Variants in DPY19L2 observed in about 807,000 individuals in gnomAD.
DPY19L2 encodes dpy-19 like 2.
A neutral mutation model predicts 97.9 loss-of-function variants in DPY19L2; 34 were observed. The ratio of observed to expected loss-of-function variants is 0.35; its 90% CI spans 0.26 to 0.46. DPY19L2 has a LOEUF of 0.46. Among genes scored for constraint, DPY19L2 ranks in the 20% least tolerant of loss-of-function variants. The pLI is 1.00. For missense variants in DPY19L2, 623 were observed against 911.4 expected (o/e 0.68, Z 4.07); for synonymous variants, 230 against 307.9 (o/e 0.75, Z 2.65).
chr12:63,644,348 T>C, intron 6 of DPY19L2, 55 bp downstream of exon 6: 5 of 1,556,862 alleles, frequency 3.2e-6, no homozygotes, highest in East Asian at 2.3e-5. Flanking sequence ...TCAACAAATA[T>C]CAGCCAGTCT....
At chr12:63,585,940 A>T (rs924263427) in intron 16 of DPY19L2, among the ~76,000 whole-genome samples, 4 of 152,204 alleles carry the variant, frequency 2.6e-5, no homozygotes, top group Non-Finnish European at 5.9e-5. Context: ...CTCAAAAGAA[A>T]GTTGAAGAGC....
Position 63,589,959 on chromosome 12 carries a change from C to A in DPY19L2, c.1580+4128G>T, listed in dbSNP as rs1355982823. ...GCCTGGCCAACATGGCAAACCCTGT[C>A]TCTACTAAAAATATAAAAATTAGCT... On this transcript the variant is annotated intron_variant, in intron 16 of 21. Transcript: ENST00000324472. Among the ~76,000 whole-genome samples, 3 of 152,222 alleles carry A rather than the reference C, an allele frequency of 2.0e-5. No homozygotes were observed. In the East Asian group the frequency reaches 5.8e-4, roughly 29 times the overall value.
intron 11 of DPY19L2, among the ~76,000 whole-genome samples, chr12:63,609,664 G>C (rs970819530): frequency 2.0e-5 from 3 of 152,122 alleles, no homozygotes; most frequent in Admixed American, 2.0e-4. Context: ...CATCCTGTCT[G>C]TGGTACTTTT....
intron 6 of DPY19L2, among the ~76,000 whole-genome samples, chr12:63,630,970 G>A (rs1300031720): frequency 2.0e-5 from 3 of 151,944 alleles, no homozygotes; most frequent in African/African-American, 7.3e-5. Flanking sequence ...AATGACTACC[G>A]GGTACATAAC....
intron 11 of DPY19L2, among the ~76,000 whole-genome samples, chr12:63,612,000 G>T (rs1887083666): frequency 6.6e-6 from 1 of 151,998 alleles, no homozygotes; most frequent in South Asian, 2.1e-4. Flanking sequence ...AAAATCAGTG[G>T]TAAAGAGAAA....
chr12:63,639,794 A>G (rs992336224), intron 6 of DPY19L2, among the ~76,000 whole-genome samples: 5 of 152,176 alleles, frequency 3.3e-5, no homozygotes, highest in African/African-American at 9.7e-5. Context: ...ACAGTGTGGC[A>G]ATTCCTCAAA....
intron 6 of DPY19L2, among the ~76,000 whole-genome samples, chr12:63,631,504 A>G (rs2137941919): frequency 6.6e-6 from 1 of 152,312 alleles, no homozygotes; most frequent in East Asian, 1.9e-4. Context: ...CCCTCCCAAG[A>G]CTAAACCAGG....
intron 19 of DPY19L2, among the ~76,000 whole-genome samples, chr12:63,577,870 G>A (rs1425128270): frequency 6.6e-6 from 1 of 152,144 alleles, no homozygotes; most frequent in South Asian, 2.1e-4. Flanking sequence ...CAACCACTAT[G>A]TAGAAGAGTT....
intron 7 of DPY19L2, among the ~76,000 whole-genome samples, chr12:63,625,310 T>C (rs1039459710): frequency 5.9e-5 from 9 of 151,842 alleles, no homozygotes; most frequent in African/African-American, 2.2e-4. Context: ...GGCAGGAGAA[T>C]TGCTTGAACC....
At chr12:63,588,971 C>T (rs182106658) in intron 16 of DPY19L2, among the ~76,000 whole-genome samples, 2,079 of 151,582 alleles carry the variant, frequency 0.014, 54 homozygotes, top group African/African-American at 0.045. Flanking sequence ...GCCAGGATGG[C>T]CTCAATCTCC....
chr12:63,665,276 A>C (rs1896194022), intron 2 of DPY19L2, among the ~76,000 whole-genome samples: 2 of 152,096 alleles, frequency 1.3e-5, no homozygotes, highest in Non-Finnish European at 1.5e-5. Flanking sequence ...GCTTGACACC[A>C]GTCTGGCCAA....
chr12:63,617,209 G>C, intron 11 of DPY19L2, 95 bp downstream of exon 11: 1 of 675,794 alleles, frequency 1.5e-6, no homozygotes, highest in Non-Finnish European at 2.5e-6. Context: ...TGATAATCAG[G>C]AAAGGGCCTA....
At chr12:63,567,444 G>A (rs531670744) in intron 21 of DPY19L2, among the ~76,000 whole-genome samples, 7 of 151,876 alleles carry the variant, frequency 4.6e-5, no homozygotes, top group South Asian at 2.1e-4. Flanking sequence ...CTAGTAAATC[G>A]TACATTTCCA....
chr12:63,592,107 G>C (rs1166694467), intron 16 of DPY19L2, among the ~76,000 whole-genome samples: 34 of 131,260 alleles, frequency 2.6e-4, no homozygotes, highest in Non-Finnish European at 1.3e-4. Context: ...GAAAAGAAAA[G>C]AGAAGAGAAG....
Position 63,624,085 on chromosome 12 carries a change from T to A in DPY19L2, c.908A>T (p.Tyr303Phe). The A allele has an allele frequency of 6.2e-7, 1 of 1,611,808 alleles. No homozygotes were observed. Among genetic ancestry groups the A allele is most frequent in the Non-Finnish European group, 8.5e-7 (1 of 1,179,676 alleles). The change falls in exon 8 of 22, where the codon TAT becomes TTT. Residue 303 changes from tyrosine to phenylalanine, a missense_variant. By Grantham distance (22) the Tyr-to-Phe change is conservative. This residue lies in a region of DPY19L2 where 67 missense variants were observed against 88.0 expected (regional missense o/e 0.76). Transcript: ENST00000324472. Reference sequence around the variant, plus strand: ...ACACATCTGAAGTACAAGGAAAGGATAGGAAAAACTTTCACGGAGAGGTGG... The same window carrying A: ...ACACATCTGAAGTACAAGGAAAGGAAAGGAAAAACTTTCACGGAGAGGTGG... ...WTPPLRESFS[Y>F]PFLVLQMCIL...
At chr12:63,667,908 AAG>A (rs1288188821) in intron 1 of DPY19L2, 147 bp downstream of exon 1, 3 of 904,886 alleles carry the variant, frequency 3.3e-6, no homozygotes, top group Middle Eastern at 3.5e-4. Flanking sequence ...GTTCAATGAC[AAG>A]ATCTTTGGCC....
intron 17 of DPY19L2, 147 bp from the exon 18 acceptor site, chr12:63,582,672 G>A (rs1049534423): frequency 1.4e-4 from 132 of 934,294 alleles, no homozygotes; most frequent in Middle Eastern, 3.5e-4. Context: ...ATAATTTATC[G>A]AATGTCTACT....
At chr12:63,565,904 C>G (rs1172960836) in intron 21 of DPY19L2, among the ~76,000 whole-genome samples, 1 of 152,122 alleles carries the variant, frequency 6.6e-6, no homozygotes, top group Non-Finnish European at 1.5e-5. Context: ...GTATCTTTCT[C>G]CTGTACTGAA....
At chr12:63,612,092 A>T (rs1887104190) in intron 11 of DPY19L2, among the ~76,000 whole-genome samples, 1 of 152,080 alleles carries the variant, frequency 6.6e-6, no homozygotes, top group Non-Finnish European at 1.5e-5. Context: ...AGATTTCATA[A>T]GAAAAAAATG....
Sources: gnomAD v4.1 joint callset for allele counts (sites outside exome capture counted in the v4.1 genomes callset) on GRCh38, gnomAD v4.1.1 for gene constraint, gnomAD v4.1.1 regional missense constraint, MANE v1.5 for transcripts, NCBI Gene and HGNC (gene_info 2026-07-23, HGNC 2026-07-21) for gene names.